RBFOX1: variants seen among roughly 807,000 people sequenced by gnomAD.
The protein encoded by RBFOX1 is RNA binding fox-1 homolog 1, also known as RNA binding protein fox-1 homolog 1.
RBFOX1 carries 8 observed loss-of-function variants against 57.7 expected under a neutral mutation model. That is an observed-to-expected ratio of 0.14 (90% CI 0.08 to 0.25). The LOEUF is 0.25. Ranked by LOEUF, RBFOX1 falls within the 10% of genes least tolerant of loss-of-function variation. RBFOX1 has a pLI of 1.00. For synonymous variants in RBFOX1, 326 were observed against 222.4 expected (o/e 1.47, Z -4.15); for missense variants, 611 against 548.5 (o/e 1.11, Z -1.14).
intron 4 of RBFOX1, among the ~76,000 whole-genome samples, chr16:6,004,457 TA>T (rs1436055470): frequency 6.6e-6 from 1 of 152,178 alleles, no homozygotes; most frequent in East Asian, 1.9e-4. Flanking sequence ...TTTGTGAACT[TA>T]AAAAATGGGT....
At chr16:5,881,241 G>T (rs1317677832) in intron 4 of RBFOX1, among the ~76,000 whole-genome samples, 2 of 152,194 alleles carry the variant, frequency 1.3e-5, no homozygotes, top group African/African-American at 4.8e-5. Context: ...TCTAGAACTG[G>T]ATGAGTCCAA....
At chr16:6,476,920 G>A (rs1051666505) in intron 2 of RBFOX1, among the ~76,000 whole-genome samples, 3 of 152,134 alleles carry the variant, frequency 2.0e-5, no homozygotes, top group African/African-American at 7.2e-5. Context: ...AAGGATCATA[G>A]TATCTTTACT....
At chr16:6,432,783 G>T (rs1453524613) in intron 2 of RBFOX1, among the ~76,000 whole-genome samples, 1 of 152,076 alleles carries the variant, frequency 6.6e-6, no homozygotes, top group Non-Finnish European at 1.5e-5. Context: ...TTCGAGACCA[G>T]TCTGACTGAT....
At chr16:5,715,860 C>T (rs564153795) in intron 3 of RBFOX1, among the ~76,000 whole-genome samples, 1 of 152,296 alleles carries the variant, frequency 6.6e-6, no homozygotes, top group African/African-American at 2.4e-5. Flanking sequence ...CATTTACTGA[C>T]TCCCTGCTCC....
chr16:7,441,617 A>G (rs2098767756), intron 4 of RBFOX1, among the ~76,000 whole-genome samples: 1 of 152,170 alleles, frequency 6.6e-6, no homozygotes, highest in Admixed American at 6.5e-5. Context: ...CCCCCCTGTT[A>G]TTAGCTGCCA....
chr16:7,234,867 A>T (rs1467488392), intron 4 of RBFOX1, among the ~76,000 whole-genome samples: 1 of 152,046 alleles, frequency 6.6e-6, no homozygotes, highest in East Asian at 1.9e-4. Flanking sequence ...AATGGATAAC[A>T]ATTTTGTATG....
chr16:5,806,215 G>C (rs2055221610), intron 3 of RBFOX1, among the ~76,000 whole-genome samples: 1 of 152,162 alleles, frequency 6.6e-6, no homozygotes, highest in African/African-American at 2.4e-5. Flanking sequence ...CATTTGTGCA[G>C]TTATAACAAA....
intron 2 of RBFOX1, among the ~76,000 whole-genome samples, chr16:6,579,579 C>T (rs1030077317): frequency 2.0e-5 from 3 of 152,136 alleles, no homozygotes; most frequent in Non-Finnish European, 2.9e-5. Flanking sequence ...TTCCTTGCTG[C>T]TGCCATGTGA....
intron 3 of RBFOX1, among the ~76,000 whole-genome samples, chr16:7,007,730 C>G (rs1049722149): frequency 1.3e-5 from 2 of 152,110 alleles, no homozygotes; most frequent in Admixed American, 6.5e-5. Flanking sequence ...GGGTAAACTC[C>G]CATGAAAATC....
At chr16:6,071,250 G>A (rs7196080) in intron 1 of RBFOX1, among the ~76,000 whole-genome samples, 32,673 of 152,138 alleles carry the variant, frequency 0.21, 4,469 homozygotes, top group Non-Finnish European at 0.3. Flanking sequence ...GAGCCCAGGA[G>A]GTTGAGGCTG....
At chr16:5,956,938 G>A (rs1179272536) in intron 4 of RBFOX1, among the ~76,000 whole-genome samples, 2 of 151,676 alleles carry the variant, frequency 1.3e-5, no homozygotes, top group East Asian at 3.9e-4. Flanking sequence ...CAAAGTGCTA[G>A]GGATTACATG....
chr16:5,391,816 G>A (rs540273923), intron 1 of RBFOX1, among the ~76,000 whole-genome samples: 20 of 151,546 alleles, frequency 1.3e-4, no homozygotes, highest in South Asian at 4.2e-4. Flanking sequence ...ACTATGGTGT[G>A]TGTGTATATA....
intron 3 of RBFOX1, among the ~76,000 whole-genome samples, chr16:6,827,060 T>C (rs987457247): frequency 3.3e-5 from 5 of 152,194 alleles, no homozygotes; most frequent in Admixed American, 3.3e-4. Flanking sequence ...CTTTGGTGGA[T>C]AAAAAGTGAA....
intron 3 of RBFOX1, among the ~76,000 whole-genome samples, chr16:6,993,565 G>C (rs2091835170): frequency 6.6e-6 from 1 of 152,128 alleles, no homozygotes; most frequent in Non-Finnish European, 1.5e-5. Context: ...ATTCTACATA[G>C]GGAGGCAAGA....
At chr16:5,358,680 G>C (rs532051812) in intron 1 of RBFOX1, among the ~76,000 whole-genome samples, 1 of 152,140 alleles carries the variant, frequency 6.6e-6, no homozygotes, top group African/African-American at 2.4e-5. Flanking sequence ...AAAATTAGCC[G>C]GGTGTGGTGG....
chr16:5,706,004 A>G (rs2051234068), intron 3 of RBFOX1, among the ~76,000 whole-genome samples: 1 of 152,114 alleles, frequency 6.6e-6, no homozygotes, highest in Non-Finnish European at 1.5e-5. Context: ...TCTGCCTCCC[A>G]GGTTCAAGCA....
At chr16:6,735,197 C>G (rs145806106) in intron 3 of RBFOX1, among the ~76,000 whole-genome samples, 17 of 152,064 alleles carry the variant, frequency 1.1e-4, no homozygotes, top group Non-Finnish European at 2.1e-4. Flanking sequence ...CAACGAAAAC[C>G]AAACTGGTGG....
At chr16:7,073,220 G>T (rs561018362) in intron 4 of RBFOX1, among the ~76,000 whole-genome samples, 40 of 152,286 alleles carry the variant, frequency 2.6e-4, no homozygotes, top group African/African-American at 9.1e-4. Context: ...GGTTTTAGAT[G>T]ATTAAAACTT....
Position 7,098,520 on chromosome 16 carries a change from G to C in RBFOX1, c.27+46422G>C, listed in dbSNP as rs372966369. ...CATTTGTAAAATTAAGCCAAAGATAGCATACTTTACTTTATTGAAATGTAA... is the reference window on the plus strand; with the variant it reads ...CATTTGTAAAATTAAGCCAAAGATACCATACTTTACTTTATTGAAATGTAA... On this transcript the variant is annotated intron_variant, in intron 4 of 15. Transcript: ENST00000550418. Among the ~76,000 whole-genome samples, 42 of 152,278 alleles carry C rather than the reference G, an allele frequency of 2.8e-4. No individual in the cohort carries two copies. In the East Asian group the frequency reaches 8.1e-3, roughly 29 times the overall value.
Sources: allele counts gnomAD v4.1 joint callset (sites outside exome capture counted in the v4.1 genomes callset), GRCh38; gene constraint gnomAD v4.1.1; transcripts MANE v1.5; gene names NCBI Gene and HGNC (gene_info 2026-07-23, HGNC 2026-07-21).